Variants in DPP6 observed in about 807,000 individuals in gnomAD.
The protein encoded by DPP6 is A-type potassium channel modulatory protein DPP6.
Under a neutral mutation model 122.6 loss-of-function variants are expected in DPP6, and 69 were observed. That is an observed-to-expected ratio of 0.56 (90% CI 0.46 to 0.69). DPP6 has a LOEUF of 0.69. DPP6 is among the 30% of genes least tolerant of loss of function. The probability of loss-of-function intolerance (pLI) is 0.00; values close to 1 mark genes in which losing one functional copy is unlikely to be tolerated. For synonymous variants in DPP6, 418 were observed against 433.1 expected, an observed-to-expected ratio of 0.97 and a Z score of 0.43; for missense variants, 928 against 1,116.9, an observed-to-expected ratio of 0.83 and a Z score of 2.41.
intron 1 of DPP6, among the ~76,000 whole-genome samples, chr7:153,915,153 A>G (rs1004791304): frequency 9.2e-5 from 14 of 152,198 alleles, no homozygotes; most frequent in East Asian, 3.9e-4. Context: ...TTGTGGCCCT[A>G]TGATTTCAGT....
At chr7:153,955,186 G>A (rs1234049706) in intron 1 of DPP6, among the ~76,000 whole-genome samples, 1 of 152,138 alleles carries the variant, frequency 6.6e-6, no homozygotes, top group East Asian at 1.9e-4. Flanking sequence ...ACAAGGGGTA[G>A]ATTAATGTAA....
chr7:154,544,540 A>G (rs1829007769), intron 4 of DPP6, among the ~76,000 whole-genome samples: 2 of 152,182 alleles, frequency 1.3e-5, no homozygotes, highest in African/African-American at 4.8e-5. Context: ...ATAACAAAAC[A>G]ATAGAGTTGA....
the DPP6 span, among the ~76,000 whole-genome samples, chr7:153,842,669 A>AT: frequency 6.6e-6 from 1 of 152,162 alleles, no homozygotes; most frequent in Admixed American, 6.5e-5. Flanking sequence ...ATAGAGCTTA[A>AT]TTTTTTTCCA....
chr7:154,086,620 C>CT (rs1177763713), intron 1 of DPP6, among the ~76,000 whole-genome samples: 52,276 of 136,494 alleles, frequency 0.38, 10,523 homozygotes, highest in East Asian at 0.51. Context: ...AGAGCTTACT[C>CT]TTTTTTTTTT....
the DPP6 span, among the ~76,000 whole-genome samples, chr7:153,838,083 G>A: frequency 6.6e-6 from 1 of 151,990 alleles, no homozygotes; most frequent in Non-Finnish European, 1.5e-5. Flanking sequence ...ATGAACAGGT[G>A]TCATAATAGG....
intron 6 of DPP6, among the ~76,000 whole-genome samples, chr7:154,658,020 G>A (rs906193617): frequency 2.6e-5 from 4 of 152,196 alleles, no homozygotes; most frequent in African/African-American, 9.7e-5. Flanking sequence ...GTGCTTGCCA[G>A]GGTTTGGTGG....
chr7:153,969,195 C>T (rs2531095), intron 1 of DPP6, among the ~76,000 whole-genome samples: 3 of 151,274 alleles, frequency 2.0e-5, no homozygotes, highest in Non-Finnish European at 2.9e-5. Flanking sequence ...TACCTTGCCA[C>T]GTTAGAATGA....
intron 1 of DPP6, among the ~76,000 whole-genome samples, chr7:154,208,768 G>C (rs79675456): frequency 0.054 from 8,039 of 149,560 alleles, 407 homozygotes; most frequent in African/African-American, 0.12. Context: ...TGGAATTGAA[G>C]TAAAAAAAAA....
chr7:154,202,285 G>T (rs983723466), intron 1 of DPP6, among the ~76,000 whole-genome samples: 1 of 152,120 alleles, frequency 6.6e-6, no homozygotes, highest in African/African-American at 2.4e-5. Context: ...CACACAAAAG[G>T]ATGTATTGAA....
the DPP6 span, among the ~76,000 whole-genome samples, chr7:153,756,682 TATAA>T: frequency 1.2e-3 from 184 of 152,178 alleles, 1 homozygote; most frequent in African/African-American, 4.2e-3. Flanking sequence ...CCCGTGTAAA[TATAA>T]ATAAATAAAT....
intron 1 of DPP6, among the ~76,000 whole-genome samples, chr7:154,318,506 C>T (rs927364378): frequency 1.3e-5 from 2 of 152,202 alleles, no homozygotes; most frequent in African/African-American, 4.8e-5. Context: ...AGCTTGGAAT[C>T]ACTTCATGGA....
At chr7:154,796,839 C>T (rs576199147) in intron 12 of DPP6, among the ~76,000 whole-genome samples, 9 of 152,296 alleles carry the variant, frequency 5.9e-5, no homozygotes, top group African/African-American at 2.2e-4. Flanking sequence ...GAAGTCAGAG[C>T]CTCATCAACA....
chr7:154,508,336 G>A (rs2129744668), intron 3 of DPP6, among the ~76,000 whole-genome samples: 1 of 152,228 alleles, frequency 6.6e-6, no homozygotes, highest in Non-Finnish European at 1.5e-5. Flanking sequence ...CCTGGAGGTG[G>A]GGGTTCCTCC....
At chr7:154,364,892 A>G (rs1473156231) in intron 1 of DPP6, among the ~76,000 whole-genome samples, 1 of 152,230 alleles carries the variant, frequency 6.6e-6, no homozygotes, top group Non-Finnish European at 1.5e-5. Context: ...GCTTGAAAAA[A>G]TGTAGGCACC....
chr7:153,812,514 A>T, the DPP6 span, among the ~76,000 whole-genome samples: 3 of 152,046 alleles, frequency 2.0e-5, no homozygotes, highest in African/African-American at 7.3e-5. Flanking sequence ...GCTTCCAAAT[A>T]CGAGAATTTT....
the DPP6 span, among the ~76,000 whole-genome samples, chr7:153,855,244 AAAAG>A: frequency 0.19 from 28,271 of 151,592 alleles, 2,708 homozygotes; most frequent in South Asian, 0.24. Context: ...ATAATAAAAA[AAAAG>A]AAATAATAAA....
At chr7:154,745,815 G>A (rs1843011015) in intron 8 of DPP6, among the ~76,000 whole-genome samples, 1 of 152,092 alleles carries the variant, frequency 6.6e-6, no homozygotes, top group South Asian at 2.1e-4. Context: ...ACTCACCCTT[G>A]GGGGAGGCCA....
chr7:154,646,552 G>C (rs953444515), intron 6 of DPP6, among the ~76,000 whole-genome samples: 5 of 152,162 alleles, frequency 3.3e-5, no homozygotes, highest in Admixed American at 6.5e-5. Context: ...AGTCAATACT[G>C]CTTCTTATTT....
intron 1 of DPP6, among the ~76,000 whole-genome samples, chr7:154,365,972 A>AAAAAAAAAAAG (rs1812149396): frequency 6.7e-6 from 1 of 149,242 alleles, no homozygotes; most frequent in African/African-American, 2.5e-5. Context: ...AAAAAAAAAA[A>AAAAAAAAAAAG]AAAAAAAGTG....
Sources: allele counts gnomAD v4.1 joint callset (sites outside exome capture counted in the v4.1 genomes callset), GRCh38; gene constraint gnomAD v4.1.1; transcripts MANE v1.5; gene names NCBI Gene and HGNC (gene_info 2026-07-23, HGNC 2026-07-21).